Variants in TAOK2 observed in about 807,000 individuals in gnomAD.
TAOK2 encodes the protein TAO kinase 2, also known as serine/threonine-protein kinase TAO2.
A neutral mutation model predicts 122.5 loss-of-function variants in TAOK2; 42 were observed. That is an observed-to-expected ratio of 0.34 (90% confidence interval 0.27 to 0.44). The LOEUF (loss-of-function observed/expected upper bound fraction) is 0.44. Ranked by LOEUF, TAOK2 falls within the 20% of genes least tolerant of loss-of-function variation. The pLI is 1.00. For missense variants in TAOK2, 1,264 were observed against 1,644.9 expected, an observed-to-expected ratio of 0.77 and a Z score of 4.01; for synonymous variants, 704 against 677.6, an observed-to-expected ratio of 1.04 and a Z score of -0.61.
At chr16:29,983,444 T>C in intron 12 of TAOK2, 59 bp from the exon 13 acceptor site, 1 of 1,569,442 alleles carries the variant, frequency 6.4e-7, no homozygotes, top group Non-Finnish European at 8.7e-7. Context: ...TGTCCTCAGG[T>C]AGCTCTCTTT....
chr16:29,978,356 G>A lies in TAOK2; in HGVS notation c.306+3G>A. ...ACCTGAGGGAGCACACGGCTTGGGT[G>A]AGCTGGTGCCAGATTCTGGCCTGAT... On this transcript the variant is annotated splice_donor_region_variant and intron_variant, in intron 4 of 15. Coordinates refer to ENST00000308893, the MANE Select transcript of TAOK2 (RefSeq NM_016151.4). The A allele has an allele frequency of 6.2e-7, 1 of 1,614,090 alleles. No individual in the cohort carries two copies. Among genetic ancestry groups the A allele is most frequent in the Non-Finnish European group, 8.5e-7 (1 of 1,179,946 alleles).
At position 29,985,940 on chromosome 16, in the gene TAOK2, T is replaced by C. The variant is rs1234346627; in HGVS notation, c.1992+79T>C. On this transcript the variant is annotated intron_variant, in intron 15 of 15. Coordinates refer to ENST00000308893, the MANE Select transcript of TAOK2 (RefSeq NM_016151.4). The surrounding 1 kb of genome is among the most constrained non-coding windows in gnomAD (Gnocchi z 6.9). ...CACCCTTTTCCATTTTCCTCATTCT[T>C]GTCTTCTTTCTCCTTGGCCCTCGAG... 5 of 1,504,676 alleles carry C rather than the reference T, an allele frequency of 3.3e-6. No homozygotes were observed. In the African/African-American group the frequency reaches 4.2e-5, roughly 12 times the overall value. The allele number at this position is 1,504,676 out of a possible 1,614,324, so 93.2% of individuals were successfully genotyped here. A position where few individuals can be genotyped will look rare whatever the true frequency, so the allele number is the denominator to read the frequency against.
Position 29,979,385 on chromosome 16 carries a change from G to T in TAOK2, c.564-32G>T, listed in dbSNP as rs1371338781. The T allele has an allele frequency of 1.2e-6, 2 of 1,605,296 alleles. No individual in the cohort carries two copies. Among genetic ancestry groups the T allele is most frequent in the Non-Finnish European group, 1.7e-6 (2 of 1,174,176 alleles). On this transcript the variant is annotated intron_variant, in intron 7 of 15. Transcript: ENST00000308893. The surrounding 1 kb of genome is among the most constrained non-coding windows in gnomAD (Gnocchi z 4.1). ...TAGGAGTGACAGGGTCTCGGCGGGT[G>T]ATTTGCCTCTCTCTCCTGACCATTC...
In TAOK2 at chr16:29,983,561, A is replaced by C; in HGVS notation, c.1319A>C (p.Gln440Pro). 1 of 1,613,866 alleles carries C rather than the reference A, an allele frequency of 6.2e-7. No individual in the cohort carries two copies. The highest frequency in any genetic ancestry group is 8.5e-7 in the Non-Finnish European group (1 of 1,179,962). ...CCAGAGATAACCCCCAGCCCTCTCC[A>C]GCCGCCTGCAGCCCCAGCTCCCACT... is the stretch of plus-strand genomic sequence containing the variant. ...YQPEITPSPL[Q>P]PPAAPAPTST... Residue 440 changes from glutamine to proline, a missense_variant, in exon 13 of 16, where the codon CAG becomes CCG. By Grantham distance (76) the Gln-to-Pro change is moderately conservative. This residue lies in a region of TAOK2 where 122 missense variants were observed against 116.7 expected (regional missense o/e 1.04). Transcript: ENST00000308893.
Position 29,981,888 on chromosome 16 carries a change from C to T in TAOK2, c.779C>T (p.Ser260Phe), listed in dbSNP as rs373914698. Residue 260 changes from serine (S) to phenylalanine (F), a missense_variant, in exon 10 of 16, where the codon TCC becomes TTC. Around this residue, in one of 4 missense-constraint regions of TAOK2, gnomAD observed 254 missense variants for 503.8 expected, o/e 0.50. Coordinates refer to ENST00000308893, the MANE Select transcript of TAOK2 (RefSeq NM_016151.4). ...WSEYFRNFVD[S>F]CLQKIPQDRP... The stretch of plus-strand genomic sequence containing the variant: ...GAGTACTTCCGGAATTTTGTCGACT[C>T]CTGTCTTCAGAAAATCCCTCAAGAC... 8 of 1,613,700 alleles carry T rather than the reference C, an allele frequency of 5.0e-6. No individual in the cohort carries two copies. The South Asian group carries it at 6.6e-5, about 13-fold the overall frequency.
At position 29,985,522 on chromosome 16, in the gene TAOK2, G is replaced by C; in HGVS notation, c.1732G>C (p.Ala578Pro). Residue 578 changes from alanine to proline, a missense_variant, in exon 14 of 16, where the codon GCC becomes CCC. Around this residue, in one of 4 missense-constraint regions of TAOK2, gnomAD observed 824 missense variants for 908.7 expected, o/e 0.91. Transcript: ENST00000308893. The surrounding 1 kb of genome is among the most constrained non-coding windows in gnomAD (Gnocchi z 6.9). ...TGGGCAGCAGAAGAAGGAGCTGGCT[G>C]CCCTGCTGGAGGCACAGAAGCGGAC... Reference protein sequence around the residue: ...ILGQQKKELAALLEAQKRTYK... With the variant: ...ILGQQKKELAPLLEAQKRTYK... 6.2e-7 allele frequency: 1 copy of C among 1,609,892 alleles called. No homozygotes were observed. Among genetic ancestry groups the C allele is most frequent in the Non-Finnish European group, 8.5e-7 (1 of 1,177,678 alleles).
chr16:29,983,140 C>T lies in TAOK2; in HGVS notation c.1068C>T (p.Ser356=), dbSNP rs75361745. 4.3e-6 allele frequency: 7 copies of T among 1,614,024 alleles called. No homozygotes were observed. The highest frequency in any genetic ancestry group is 1.3e-5 in the African/African-American group (1 of 74,906). The change falls in exon 12 of 16, where the codon AGC becomes AGT. Residue 356 remains serine (S), a synonymous_variant. Coordinates refer to ENST00000308893, the MANE Select transcript of TAOK2 (RefSeq NM_016151.4). ...TSLESSHSVP[S]MSISASSQSS... ...TCGAGAGTAGCCACTCAGTGCCCAGCATGTCCATCAGCGCCTCCAGCCAGA... is the reference window on the plus strand; with the variant it reads ...TCGAGAGTAGCCACTCAGTGCCCAGTATGTCCATCAGCGCCTCCAGCCAGA...
At chr16:29,982,090 T>A (rs1187441081) in intron 10 of TAOK2, 150 bp downstream of exon 10, 8 of 641,984 alleles carry the variant, frequency 1.2e-5, no homozygotes, top group Non-Finnish European at 2.2e-5. Context: ...GTGGACTCTG[T>A]GTTTTACAAG....
At chr16:29,991,218 G>A (rs148327383), downstream of TAOK2, 29 of 1,610,726 alleles carry the variant, frequency 1.8e-5, no homozygotes, top group Non-Finnish European at 2.3e-5. This position sits in a 1 kb window ranked among gnomAD's most constrained non-coding sequence, Gnocchi z 5.6. Flanking sequence ...GGGCTATCCT[G>A]CTCCACCCCC....
chr16:29,985,170 G>A lies in TAOK2; in HGVS notation c.1423-43G>A, dbSNP rs2069744090. On this transcript the variant is annotated intron_variant, in intron 13 of 15. Transcript: ENST00000308893. The surrounding 1 kb of genome is among the most constrained non-coding windows in gnomAD (Gnocchi z 6.9). ...AAGACCCCTTGTGTTAATTAACTAG[G>A]GGCCAGGCTGAGCCCCAGCTCTCAC... 6.8e-7 allele frequency: 1 copy of A among 1,473,252 alleles called. No homozygotes were observed. The highest frequency in any genetic ancestry group is 1.4e-5 in the African/African-American group (1 of 70,864). The allele number at this position is 1,473,252 out of a possible 1,614,324, so 91.3% of individuals were successfully genotyped here. A position where few individuals can be genotyped will look rare whatever the true frequency, so the allele number is the denominator to read the frequency against.
chr16:29,976,691 A>G (rs929986624), intron 1 of TAOK2, among the ~76,000 whole-genome samples: 6 of 152,200 alleles, frequency 3.9e-5, no homozygotes, highest in African/African-American at 1.4e-4. Context: ...TGGTCAGGAC[A>G]GGCTTCCTGC....
At chr16:29,983,482 G>C in intron 12 of TAOK2, 21 bp from the exon 13 acceptor site, 1 of 1,594,956 alleles carries the variant, frequency 6.3e-7, no homozygotes, top group Non-Finnish European at 8.6e-7. Context: ...AGCCTTGGGT[G>C]TTCCTTCTAT....
At position 29,983,633 on chromosome 16, in the gene TAOK2, A is replaced by T; in HGVS notation, c.1391A>T (p.Asp464Val). 1 of 1,613,062 alleles carries T rather than the reference A, an allele frequency of 6.2e-7. No individual in the cohort carries two copies. Among genetic ancestry groups the T allele is most frequent in the Middle Eastern group, 1.6e-4 (1 of 6,062 alleles). The part of the protein sequence containing the change: ...ARRRAYCRNR[D>V]HFATIRTASL... ...CGCCGGGCCTACTGCCGTAACCGAG[A>T]CCACTTTGCCACCATCCGAACCGCC... The change falls in exon 13 of 16, where the codon GAC (aspartate) becomes GTC (valine). Residue 464 changes from aspartate (D) to valine (V), a missense_variant. Asp to Val is a radical substitution (Grantham distance 152). This residue lies in a region of TAOK2 where 122 missense variants were observed against 116.7 expected (regional missense o/e 1.04). Transcript: ENST00000308893.
downstream of TAOK2, chr16:29,989,306 T>C: frequency 2.0e-6 from 2 of 985,276 alleles, no homozygotes; most frequent in Non-Finnish European, 2.4e-6. Context: ...GTGCACGTGC[T>C]CTTGGAACCT....
At position 29,986,944 on chromosome 16, in the gene TAOK2, A is replaced by G. The variant is rs767646576; in HGVS notation, c.2672A>G (p.Gln891Arg). ...GAGGAGTTTGAGCTTGGCTGGGTCCAGGGCCCAGCACTGACTCCCGTCCCT... is the reference window on the plus strand; with the variant it reads ...GAGGAGTTTGAGCTTGGCTGGGTCCGGGGCCCAGCACTGACTCCCGTCCCT... ...LDEEFELGWV[Q>R]GPALTPVPEE... Residue 891 changes from glutamine to arginine, a missense_variant, in exon 16 of 16, where the codon CAG (glutamine) becomes CGG (arginine). Physicochemically the swap from Gln to Arg is conservative, Grantham distance 43. Transcript: ENST00000308893. The surrounding 1 kb of genome is among the most constrained non-coding windows in gnomAD (Gnocchi z 4.2). 5 of 1,614,042 alleles carry G rather than the reference A, an allele frequency of 3.1e-6. No individual in the cohort carries two copies. The highest frequency in any genetic ancestry group is 1.3e-5 in the African/African-American group (1 of 75,004).
rs752047402 is a variant in TAOK2 at position 29,983,047 on chromosome 16, C to T, written c.1000-25C>T. On this transcript the variant is annotated intron_variant, in intron 11 of 15. Transcript: ENST00000308893. ...TGCCCCAGGGCTTCCCCTTCCCTGT[C>T]CAGCAGCCTACGCCCTGTTCGCAGG... 5.0e-6 allele frequency: 8 copies of T among 1,613,132 alleles called. No homozygotes were observed. The Admixed American group carries it at 1.3e-4, about 27-fold the overall frequency.
At chr16:29,981,834 T>G in intron 9 of TAOK2, 25 bp from the exon 10 acceptor site, 33 of 867,062 alleles carry the variant, frequency 3.8e-5, no homozygotes, top group Non-Finnish European at 5.7e-5. Flanking sequence ...TCCCCACCCC[T>G]CTCCCACCCT....
rs955279710 is a variant in TAOK2 at position 29,988,117 on chromosome 16, T to G, written c.*137T>G. The G allele has an allele frequency of 7.0e-6, 10 of 1,433,500 alleles. No individual in the cohort carries two copies. The highest frequency in any genetic ancestry group is 9.1e-6 in the Non-Finnish European group (10 of 1,098,752). 88.8% of individuals were successfully genotyped at this position (1,433,500 alleles called of 1,614,324 possible). A position where few individuals can be genotyped will look rare whatever the true frequency, so the allele number is the denominator to read the frequency against. Reference sequence around the variant, plus strand: ...TGCTCACTTACCCCAGGCCCAGCCCTTCGGACCTCTAGACAGGCAGCCTCC... The same window carrying G: ...TGCTCACTTACCCCAGGCCCAGCCCGTCGGACCTCTAGACAGGCAGCCTCC... On this transcript the variant is annotated 3_prime_UTR_variant, in exon 16 of 16. Coordinates refer to ENST00000308893, the MANE Select transcript of TAOK2 (RefSeq NM_016151.4).
At position 29,985,325 on chromosome 16, in the gene TAOK2, G is replaced by A. The variant is rs772408260; in HGVS notation, c.1535G>A (p.Arg512Gln). 14 of 1,610,456 alleles carry A rather than the reference G, an allele frequency of 8.7e-6. No homozygotes were observed. The highest frequency in any genetic ancestry group is 3.4e-5 in the Admixed American group (2 of 59,626). The change falls in exon 14 of 16, where the codon CGG becomes CAG. Residue 512 changes from arginine (R) to glutamine (Q), a missense_variant. Physicochemically the swap from Arg to Gln is conservative, Grantham distance 43. Coordinates refer to ENST00000308893, the MANE Select transcript of TAOK2 (RefSeq NM_016151.4). This position sits in a 1 kb window ranked among gnomAD's most constrained non-coding sequence, Gnocchi z 6.9. ...HQKQLLALES[R>Q]LRGEREEHSA... is the part of the protein sequence containing the mutation. ...AAGCAGCTGCTGGCCCTGGAGTCAC[G>A]GCTGAGGGGTGAACGGGAGGAGCAC...
Sources: gnomAD v4.1 joint callset for allele counts (sites outside exome capture counted in the v4.1 genomes callset) on GRCh38, gnomAD v4.1.1 for gene constraint, gnomAD v4.1.1 regional missense constraint, Gnocchi (gnomAD v3.1) non-coding constraint, MANE v1.5 for transcripts, NCBI Gene and HGNC (gene_info 2026-07-23, HGNC 2026-07-21) for gene names.